The following EML4 variants were observed in gnomAD, a reference collection of about 807,000 sequenced individuals.
The protein encoded by EML4 is echinoderm microtubule-associated protein-like 4.
Under a neutral mutation model 129.0 loss-of-function variants are expected in EML4, and 72 were observed. That is an observed-to-expected ratio of 0.56 (90% CI 0.46 to 0.68). EML4 has a LOEUF of 0.68. EML4 is among the 30% of genes least tolerant of loss of function. The probability of loss-of-function intolerance (pLI) is 0.00; values close to 1 mark genes in which losing one functional copy is unlikely to be tolerated. For missense variants in EML4, 1,363 were observed against 1,190.6 expected, an observed-to-expected ratio of 1.14 and a Z score of -2.13; for synonymous variants, 532 against 405.0, an observed-to-expected ratio of 1.31 and a Z score of -3.77.
At chr2:42,278,598 A>G (rs1666796777) in intron 6 of EML4, among the ~76,000 whole-genome samples, 1 of 150,350 alleles carries the variant, frequency 6.7e-6, no homozygotes, top group South Asian at 2.1e-4. Flanking sequence ...AAAAAAAAAA[A>G]AAAAATCCAT....
At chr2:42,324,934 G>A (rs538956025) in intron 19 of EML4, among the ~76,000 whole-genome samples, 2 of 152,266 alleles carry the variant, frequency 1.3e-5, no homozygotes, top group Admixed American at 6.5e-5. Flanking sequence ...GGAGTACAGC[G>A]TTGGGTGAAT....
chr2:42,174,789 G>T lies in EML4; in HGVS notation c.25+5153G>T, dbSNP rs183550514. Among the ~76,000 whole-genome samples the T allele has an allele frequency of 1.5e-3, 228 of 152,060 alleles. 1 individual carries two copies. Among genetic ancestry groups the T allele is most frequent in the African/African-American group, 5.3e-3 (221 of 41,492 alleles). On this transcript the variant is annotated intron_variant, in intron 1 of 22. Coordinates refer to ENST00000318522, the MANE Select transcript of EML4 (RefSeq NM_019063.5). ...GGAGATAAATTATTATACTTTTATA[G>T]GTGAAAAAGGTCTAGAAAGTGGTTT...
At chr2:42,197,073 CTTTA>C (rs1042079870) in intron 1 of EML4, among the ~76,000 whole-genome samples, 6 of 152,210 alleles carry the variant, frequency 3.9e-5, no homozygotes, top group East Asian at 1.9e-4. Context: ...TAAATTGTGT[CTTTA>C]TTTATTTTTT....
chr2:42,245,991 GTC>G (rs769944650), intron 2 of EML4, among the ~76,000 whole-genome samples: 4 of 152,080 alleles, frequency 2.6e-5, no homozygotes, highest in African/African-American at 4.8e-5. Context: ...ATCGTTTTGT[GTC>G]TCTCATTTCA....
At position 42,286,519 on chromosome 2, in the gene EML4, C is replaced by G. The variant is rs3732195; in HGVS notation, c.1122+140C>G. The G allele has an allele frequency of 0.57, 360,712 of 631,016 alleles. 104,802 individuals are homozygous for G. The highest frequency in any genetic ancestry group is 0.74 in the East Asian group (27,540 of 37,344). 39.1% of individuals were successfully genotyped at this position (631,016 alleles called of 1,614,324 possible). ...ATGCTAGCTATTGCTAACATATTAG[C>G]TATTGCTAAATGGCTAGCATTTTGA... On this transcript the variant is annotated intron_variant, in intron 10 of 22. Coordinates refer to ENST00000318522, the MANE Select transcript of EML4 (RefSeq NM_019063.5).
intron 1 of EML4, among the ~76,000 whole-genome samples, chr2:42,225,588 TC>T (rs1673908032): frequency 9.9e-5 from 15 of 152,198 alleles, no homozygotes; most frequent in Admixed American, 9.8e-4. Flanking sequence ...GTTCTGATGC[TC>T]TAAATCCAAC....
chr2:42,270,298 C>A (rs1666295907), intron 6 of EML4, among the ~76,000 whole-genome samples: 1 of 152,150 alleles, frequency 6.6e-6, no homozygotes, highest in Non-Finnish European at 1.5e-5. Context: ...GTGGCTCATG[C>A]CCATAATCCC....
intron 17 of EML4, among the ~76,000 whole-genome samples, chr2:42,307,847 G>A (rs924446462): frequency 2.0e-5 from 3 of 152,138 alleles, no homozygotes; most frequent in Non-Finnish European, 4.4e-5. Context: ...TAGAGACAGG[G>A]TTTCGCCATG....
rs1461189031 is a variant in EML4 at position 42,169,464 on chromosome 2, G to T, written c.-148G>T. The T allele has an allele frequency of 5.5e-6, 5 of 900,920 alleles. No homozygotes were observed. The highest frequency in any genetic ancestry group is 3.5e-5 in the African/African-American group (2 of 57,552). The allele number at this position is 900,920 out of a possible 1,614,324, so 55.8% of individuals were successfully genotyped here. A position where few individuals can be genotyped will look rare whatever the true frequency, so the allele number is the denominator to read the frequency against. On this transcript the variant is annotated 5_prime_UTR_variant, in exon 1 of 23. Transcript: ENST00000318522. ...CGGCCGCGGCTTACTACCCCAGGGCGAACGGACGGACGACGGAGGCGGGAG... is the reference window on the plus strand; with the variant it reads ...CGGCCGCGGCTTACTACCCCAGGGCTAACGGACGGACGACGGAGGCGGGAG...
At chr2:42,215,251 G>C (rs935453927) in intron 1 of EML4, among the ~76,000 whole-genome samples, 3 of 152,058 alleles carry the variant, frequency 2.0e-5, no homozygotes, top group African/African-American at 7.2e-5. Context: ...GTTGAGATGA[G>C]GTTTTGCCAT....
At chr2:42,290,646 C>G (rs1330753420) in intron 11 of EML4, among the ~76,000 whole-genome samples, 1 of 151,794 alleles carries the variant, frequency 6.6e-6, no homozygotes, top group Non-Finnish European at 1.5e-5. Context: ...GTGGAAGCAT[C>G]AATTGAGCCC....
At chr2:42,294,093 T>C (rs1667811177) in intron 11 of EML4, among the ~76,000 whole-genome samples, 1 of 152,256 alleles carries the variant, frequency 6.6e-6, no homozygotes, top group Admixed American at 6.5e-5. Flanking sequence ...AATATCAATT[T>C]AGTGAGAATT....
intron 1 of EML4, among the ~76,000 whole-genome samples, chr2:42,239,858 G>A (rs1055295158): frequency 6.6e-6 from 1 of 152,006 alleles, no homozygotes; most frequent in African/African-American, 2.4e-5. Flanking sequence ...TTCATTTACT[G>A]AACAGTTATA....
At chr2:42,253,666 C>G (rs6732436) in intron 2 of EML4, among the ~76,000 whole-genome samples, 3,586 of 152,232 alleles carry the variant, frequency 0.024, 130 homozygotes, top group African/African-American at 0.082. Context: ...GCTAGGCAGA[C>G]TGCTCAAGAG....
intron 1 of EML4, among the ~76,000 whole-genome samples, chr2:42,229,520 A>C (rs897538022): frequency 6.6e-6 from 1 of 152,184 alleles, no homozygotes; most frequent in Non-Finnish European, 1.5e-5. Context: ...TTCATAAAGC[A>C]AGACAGATAA....
intron 1 of EML4, chr2:42,170,444 T>A (rs1189953568): frequency 6.6e-6 from 1 of 152,196 alleles, no homozygotes; most frequent in African/African-American, 2.4e-5. Flanking sequence ...GGATTCTCCA[T>A]TTTTGGAAGA....
intron 1 of EML4, chr2:42,208,117 C>G (rs1672668512): frequency 6.6e-6 from 1 of 152,148 alleles, no homozygotes; most frequent in Non-Finnish European, 1.5e-5. Context: ...CTTTTCAACT[C>G]ATGTTTCTGC....
chr2:42,219,153 A>G (rs1673392052), intron 1 of EML4, among the ~76,000 whole-genome samples: 1 of 152,252 alleles, frequency 6.6e-6, no homozygotes, highest in Non-Finnish European at 1.5e-5. Flanking sequence ...GATTAATTGT[A>G]GCAGAAACGG....
chr2:42,261,207 G>C lies in EML4; in HGVS notation c.425G>C (p.Arg142Pro). The change falls in exon 4 of 23, where the codon CGA becomes CCA. Residue 142 changes from arginine to proline, a missense_variant. Arg to Pro is a moderately radical substitution (Grantham distance 103). Transcript: ENST00000318522. ...TCTAATGATCAAAGTCCACAAATTC[G>C]AGCATCACCTTCTCCCCAGCCCTCT... ...SHSNDQSPQI[R>P]ASPSPQPSSQ... The C allele has an allele frequency of 1.9e-6, 3 of 1,613,766 alleles. No individual in the cohort carries two copies. Among genetic ancestry groups the C allele is most frequent in the Non-Finnish European group, 2.5e-6 (3 of 1,179,894 alleles).
Sources: allele counts gnomAD v4.1 joint callset (sites outside exome capture counted in the v4.1 genomes callset), GRCh38; gene constraint gnomAD v4.1.1; transcripts MANE v1.5; gene names NCBI Gene and HGNC (gene_info 2026-07-23, HGNC 2026-07-21).